The following CTNNA2 variants were observed in gnomAD, a reference collection of about 807,000 sequenced individuals.
CTNNA2 encodes the protein catenin alpha-2.
In CTNNA2, 42 loss-of-function variants were observed where a neutral mutation model predicts 101.0. The ratio of observed to expected loss-of-function variants is 0.42; its 90% confidence interval spans 0.32 to 0.54. The LOEUF is 0.54. Among genes scored for constraint, CTNNA2 ranks in the 20% least tolerant of loss-of-function variants. The pLI is 0.14. For synonymous variants in CTNNA2, 450 were observed against 456.4 expected (o/e 0.99, Z 0.18); for missense variants, 871 against 1,223.1 (o/e 0.71, Z 4.29).
Position 79,891,839 on chromosome 2 carries a change from A to C in CTNNA2, c.852+17497A>C, listed in dbSNP as rs1476729637. Among the ~76,000 whole-genome samples, 3 of 152,186 alleles carry C rather than the reference A, an allele frequency of 2.0e-5. No individual in the cohort carries two copies. The East Asian group carries it at 5.8e-4, about 29-fold the overall frequency. On this transcript the variant is annotated intron_variant, in intron 6 of 18. Coordinates refer to ENST00000402739, the MANE Select transcript of CTNNA2 (RefSeq NM_001282597.3). ...CCTGAAAATATATATATATATGTCA[A>C]AATGCTTATGATTTTTCTTTTGAGT...
At chr2:79,720,004 T>C (rs1686373716) in intron 2 of CTNNA2, among the ~76,000 whole-genome samples, 1 of 152,166 alleles carries the variant, frequency 6.6e-6, no homozygotes, top group South Asian at 2.1e-4. Flanking sequence ...TAGATTTTCT[T>C]CTAGAATTTT....
At chr2:80,168,058 G>C (rs1704812990) in intron 7 of CTNNA2, among the ~76,000 whole-genome samples, 1 of 152,144 alleles carries the variant, frequency 6.6e-6, no homozygotes, top group Non-Finnish European at 1.5e-5. Context: ...AGTGCCTTGG[G>C]GGAGAAGCAG....
chr2:80,333,904 C>A (rs962063346), intron 7 of CTNNA2, among the ~76,000 whole-genome samples: 2 of 152,262 alleles, frequency 1.3e-5, no homozygotes, highest in South Asian at 4.1e-4. Flanking sequence ...ATTATAGGCG[C>A]GAGCCACCAC....
At position 79,817,844 on chromosome 2, in the gene CTNNA2, A is replaced by G. The variant is rs538776668; in HGVS notation, c.299-40169A>G. Among the ~76,000 whole-genome samples, 36 of 152,324 alleles carry G rather than the reference A, an allele frequency of 2.4e-4. No homozygotes were observed. The South Asian group carries it at 7.2e-3, about 31-fold the overall frequency. On this transcript the variant is annotated intron_variant, in intron 3 of 18. Transcript: ENST00000402739. The stretch of plus-strand genomic sequence containing the variant: ...ATTGTTGTTGAGCTTTAAAGAAGGG[A>G]GACAAACCATTGGCTGGAAGTCTAC...
At chr2:79,930,308 G>GAAAGAA (rs1558650995) in intron 7 of CTNNA2, among the ~76,000 whole-genome samples, 1 of 86,466 alleles carries the variant, frequency 1.2e-5, no homozygotes, top group African/African-American at 4.9e-5. Context: ...AAGAAAGAAA[G>GAAAGAA]AAAGAAAGAA....
intron 7 of CTNNA2, among the ~76,000 whole-genome samples, chr2:80,347,956 TCAGAGTGCCC>T (rs928193393): frequency 4.6e-5 from 7 of 151,690 alleles, no homozygotes; most frequent in African/African-American, 1.7e-4. Flanking sequence ...GGTCCTGCAG[TCAGAGTGCCC>T]GATTTTATTG....
chr2:79,847,402 G>A (rs1680312870), intron 3 of CTNNA2, among the ~76,000 whole-genome samples: 1 of 151,862 alleles, frequency 6.6e-6, no homozygotes, highest in Admixed American at 6.6e-5. Context: ...AATTAGCTGG[G>A]TGTGGTGGCA....
chr2:79,898,062 T>C (rs926581947), intron 6 of CTNNA2, among the ~76,000 whole-genome samples: 1 of 152,208 alleles, frequency 6.6e-6, no homozygotes, highest in African/African-American at 2.4e-5. Flanking sequence ...ATGTAAACCA[T>C]ATCACCATCC....
At chr2:79,503,732 A>T (rs1022865932) in intron 4 of CTNNA2, among the ~76,000 whole-genome samples, 1 of 152,180 alleles carries the variant, frequency 6.6e-6, no homozygotes, top group African/African-American at 2.4e-5. Flanking sequence ...CCACAATTGT[A>T]GGCTGTGTTT....
chr2:79,343,237 T>A (rs1360975787), intron 3 of CTNNA2, among the ~76,000 whole-genome samples: 1 of 152,190 alleles, frequency 6.6e-6, no homozygotes, highest in Admixed American at 6.5e-5. Flanking sequence ...TTATCTCATG[T>A]AATATTAATG....
intron 3 of CTNNA2, among the ~76,000 whole-genome samples, chr2:79,796,565 G>T (rs1188743448): frequency 1.3e-5 from 2 of 152,184 alleles, no homozygotes; most frequent in Non-Finnish European, 2.9e-5. Context: ...CAACCAGATT[G>T]CCTTAAGGAC....
intron 6 of CTNNA2, among the ~76,000 whole-genome samples, chr2:79,883,620 A>T (rs1683614706): frequency 6.6e-6 from 1 of 152,214 alleles, no homozygotes; most frequent in Non-Finnish European, 1.5e-5. Context: ...AGTAAAACAT[A>T]ATGTCGATTT....
intron 3 of CTNNA2, among the ~76,000 whole-genome samples, chr2:79,346,227 C>A (rs140427689): frequency 6.6e-6 from 1 of 152,110 alleles, no homozygotes; most frequent in African/African-American, 2.4e-5. Context: ...ATTGAGGGAA[C>A]AGGAATGAAA....
intron 3 of CTNNA2, among the ~76,000 whole-genome samples, chr2:79,814,761 T>G (rs1408606065): frequency 6.6e-6 from 1 of 152,188 alleles, no homozygotes; most frequent in Non-Finnish European, 1.5e-5. Flanking sequence ...ATCTTTTTCA[T>G]GTACTGGCCT....
At chr2:80,473,632 C>T (rs1685486766) in intron 9 of CTNNA2, among the ~76,000 whole-genome samples, 3 of 152,182 alleles carry the variant, frequency 2.0e-5, no homozygotes, top group Admixed American at 1.3e-4. Flanking sequence ...TCTGGCATGC[C>T]TGAGTTTGCT....
chr2:80,294,837 C>G (rs913974298), intron 7 of CTNNA2, among the ~76,000 whole-genome samples: 2 of 152,046 alleles, frequency 1.3e-5, no homozygotes, highest in Non-Finnish European at 2.9e-5. Context: ...GAACGAATTC[C>G]TTCTTCTCAT....
chr2:79,375,498 T>C (rs2104458260), intron 4 of CTNNA2, among the ~76,000 whole-genome samples: 1 of 152,280 alleles, frequency 6.6e-6, no homozygotes, highest in South Asian at 2.1e-4. Flanking sequence ...ATTCATTCAT[T>C]CATGTGACAT....
intron 16 of CTNNA2, chr2:80,605,766 C>T (rs920222932): frequency 6.6e-6 from 1 of 151,924 alleles, no homozygotes; most frequent in Non-Finnish European, 1.5e-5. Context: ...TTTTATTTTA[C>T]ATTTAAGATG....
rs1384688576 is a variant in CTNNA2 at position 79,712,363 on chromosome 2, A to G, written c.103-32024A>G. ...ATGTACCATTCTTACTTTCATTGCC[A>G]TGCAGTTGGGCTGAGGCTTATGTAA... On this transcript the variant is annotated intron_variant, in intron 2 of 18. Coordinates refer to ENST00000402739, the MANE Select transcript of CTNNA2 (RefSeq NM_001282597.3). Among the ~76,000 whole-genome samples the G allele has an allele frequency of 2.6e-5, 4 of 152,288 alleles. No homozygotes were observed. The East Asian group carries it at 5.8e-4, about 22-fold the overall frequency.
Sources: gnomAD v4.1 joint callset for allele counts (sites outside exome capture counted in the v4.1 genomes callset) on GRCh38, gnomAD v4.1.1 for gene constraint, MANE v1.5 for transcripts, NCBI Gene and HGNC (gene_info 2026-07-23, HGNC 2026-07-21) for gene names.